The following ROR1 variants were observed in gnomAD, a reference collection of about 807,000 sequenced individuals.
The protein encoded by ROR1 is ROR family WNT receptor 1.
In ROR1, 19 loss-of-function variants were observed where a neutral mutation model predicts 78.8. The observed-to-expected ratio is 0.24, with a 90% CI of 0.17 to 0.35. The LOEUF is 0.35. Among genes scored for constraint, ROR1 ranks in the 10% least tolerant of loss-of-function variants. The probability of loss-of-function intolerance (pLI) is 1.00; values close to 1 mark genes in which losing one functional copy is unlikely to be tolerated. For synonymous variants in ROR1, 386 were observed against 433.6 expected, an observed-to-expected ratio of 0.89 and a Z score of 1.36; for missense variants, 917 against 1,177.8, an observed-to-expected ratio of 0.78 and a Z score of 3.24.
At position 64,153,894 on chromosome 1, in the gene ROR1, C is replaced by T. The variant is rs142173614; in HGVS notation, c.1175-5087C>T. Among the ~76,000 whole-genome samples the T allele has an allele frequency of 1.3e-3, 191 of 152,130 alleles. 2 individuals are homozygous for T. Among genetic ancestry groups the T allele is most frequent in the East Asian group, 1.4e-3 (7 of 5,178 alleles). The stretch of plus-strand genomic sequence containing the variant: ...AAAATGGTTAAGATGGTAAATTTTA[C>T]GGTATTTTTTACAATTAAACATTTT... On this transcript the variant is annotated intron_variant, in intron 7 of 8. Coordinates refer to ENST00000371079, the MANE Select transcript of ROR1 (RefSeq NM_005012.4).
At chr1:64,115,374 C>G (rs1569793508) in intron 4 of ROR1, among the ~76,000 whole-genome samples, 1 of 152,054 alleles carries the variant, frequency 6.6e-6, no homozygotes, top group East Asian at 1.9e-4. Flanking sequence ...TGCCACCATG[C>G]CTGGCTAATT....
intron 4 of ROR1, among the ~76,000 whole-genome samples, chr1:64,115,479 C>T (rs1648283761): frequency 6.6e-6 from 1 of 151,838 alleles, no homozygotes; most frequent in African/African-American, 2.4e-5. Context: ...AGCAATTCTC[C>T]CACCCTAGCC....
chr1:64,032,674 G>A (rs1450458311), intron 2 of ROR1, among the ~76,000 whole-genome samples: 4 of 152,128 alleles, frequency 2.6e-5, no homozygotes, highest in African/African-American at 9.7e-5. Flanking sequence ...ACCAGACCAA[G>A]CAGTCAGCCC....
At chr1:64,153,948 C>A (rs115690370) in intron 7 of ROR1, among the ~76,000 whole-genome samples, 2,226 of 152,202 alleles carry the variant, frequency 0.015, 54 homozygotes, top group African/African-American at 0.051. Flanking sequence ...TAGCCCAATT[C>A]TTTTATAGAG....
intron 4 of ROR1, among the ~76,000 whole-genome samples, chr1:64,054,794 A>G (rs1466448254): frequency 6.6e-6 from 1 of 152,218 alleles, no homozygotes; most frequent in East Asian, 1.9e-4. Context: ...GAAATTTAGT[A>G]TCTCATAGTT....
intron 4 of ROR1, among the ~76,000 whole-genome samples, chr1:64,058,295 C>A (rs1646890432): frequency 1.3e-5 from 2 of 152,008 alleles, no homozygotes; most frequent in South Asian, 4.1e-4. Context: ...TTACTTTTTT[C>A]TTTTCAATTT....
intron 4 of ROR1, among the ~76,000 whole-genome samples, chr1:64,077,717 A>T (rs1345698761): frequency 6.6e-6 from 1 of 152,242 alleles, no homozygotes; most frequent in Admixed American, 6.5e-5. Context: ...CTCAGGGAAC[A>T]TTCTGTCTGC....
intron 1 of ROR1, among the ~76,000 whole-genome samples, chr1:63,934,885 C>A (rs1451048488): frequency 6.6e-6 from 1 of 152,056 alleles, no homozygotes; most frequent in Non-Finnish European, 1.5e-5. Context: ...GGGAGTTAAC[C>A]CATCCCACAT....
chr1:63,855,815 A>T (rs990525227), intron 1 of ROR1, among the ~76,000 whole-genome samples: 2 of 147,856 alleles, frequency 1.4e-5, no homozygotes, highest in Non-Finnish European at 1.5e-5. Context: ...CGCCCCACTA[A>T]TTTTTTTTTT....
chr1:64,081,765 T>A (rs1354093951), intron 4 of ROR1, among the ~76,000 whole-genome samples: 1 of 63,226 alleles, frequency 1.6e-5, no homozygotes, highest in Non-Finnish European at 2.9e-5. Context: ...CGCGAGACAC[T>A]GTCAAAAAAA....
chr1:64,152,741 A>G (rs1649663354), intron 7 of ROR1, among the ~76,000 whole-genome samples: 1 of 152,172 alleles, frequency 6.6e-6, no homozygotes, highest in Admixed American at 6.5e-5. Context: ...TTATTCCATA[A>G]TTAAACAGTT....
intron 8 of ROR1, among the ~76,000 whole-genome samples, chr1:64,166,901 GA>G (rs1239802070): frequency 6.6e-6 from 1 of 152,120 alleles, no homozygotes; most frequent in East Asian, 1.9e-4. Context: ...CTACTTCTGG[GA>G]AAAACAAGTC....
chr1:63,933,471 G>A (rs1383896240), intron 1 of ROR1, among the ~76,000 whole-genome samples: 1 of 152,128 alleles, frequency 6.6e-6, no homozygotes, highest in Non-Finnish European at 1.5e-5. Flanking sequence ...CATATAATAG[G>A]TGCTCAATAA....
intron 1 of ROR1, among the ~76,000 whole-genome samples, chr1:63,895,909 G>A (rs1195551089): frequency 6.6e-6 from 1 of 151,930 alleles, no homozygotes; most frequent in Non-Finnish European, 1.5e-5. Context: ...GTGGTGTCTT[G>A]GAGTTGGCAT....
At chr1:64,152,595 T>TTAG (rs1649659144) in intron 7 of ROR1, among the ~76,000 whole-genome samples, 1 of 152,222 alleles carries the variant, frequency 6.6e-6, no homozygotes, top group South Asian at 2.1e-4. Context: ...CAACAATTAT[T>TTAG]TAGTAGATTT....
chr1:63,891,797 C>T (rs535585425), intron 1 of ROR1, among the ~76,000 whole-genome samples: 10 of 152,188 alleles, frequency 6.6e-5, no homozygotes, highest in East Asian at 5.8e-4. Flanking sequence ...GGCCTTTGGA[C>T]GCTGGGACTT....
chr1:64,131,685 G>C (rs1235506010), intron 4 of ROR1, among the ~76,000 whole-genome samples: 1 of 152,174 alleles, frequency 6.6e-6, no homozygotes, highest in Admixed American at 6.6e-5. Context: ...TGTGATCATG[G>C]CTAACTACAG....
intron 4 of ROR1, among the ~76,000 whole-genome samples, chr1:64,101,978 G>A (rs1430522010): frequency 1.3e-5 from 2 of 152,172 alleles, no homozygotes; most frequent in African/African-American, 4.8e-5. Flanking sequence ...CTGCTTTTAG[G>A]TGTATGCTAT....
intron 1 of ROR1, among the ~76,000 whole-genome samples, chr1:63,898,790 T>C (rs1244387926): frequency 6.6e-6 from 1 of 151,948 alleles, no homozygotes; most frequent in African/African-American, 2.4e-5. Flanking sequence ...GAGGGAGTTT[T>C]TCCCCCTGCC....
Sources: allele counts gnomAD v4.1 joint callset (sites outside exome capture counted in the v4.1 genomes callset), GRCh38; gene constraint gnomAD v4.1.1; transcripts MANE v1.5; gene names NCBI Gene and HGNC (gene_info 2026-07-23, HGNC 2026-07-21).